The following AGO1 variants were observed in gnomAD, a reference collection of about 807,000 sequenced individuals.
AGO1 encodes protein argonaute-1.
A neutral mutation model predicts 109.2 loss-of-function variants in AGO1; 11 were observed. The observed-to-expected ratio is 0.10, with a 90% CI of 0.06 to 0.17. AGO1 has a LOEUF of 0.17. Ranked by LOEUF, AGO1 falls within the 10% of genes least tolerant of loss-of-function variation. The pLI is 1.00. For synonymous variants in AGO1, 422 were observed against 418.6 expected, an observed-to-expected ratio of 1.01 and a Z score of -0.10; for missense variants, 574 against 1,140.3, an observed-to-expected ratio of 0.50 and a Z score of 7.15.
At position 35,884,256 on chromosome 1, in the gene AGO1, G is replaced by A. The variant is rs1799678; in HGVS notation, c.25+810G>A. ...GTTTGCTAAGAATGGGTTGAGGGAA[G>A]CTGCCAAAGTGCATTTTTCTGCCAC... is the stretch of plus-strand genomic sequence containing the variant. On this transcript the variant is annotated intron_variant, in intron 1 of 18. Coordinates refer to ENST00000373204, the MANE Select transcript of AGO1 (RefSeq NM_012199.5). Among the ~76,000 whole-genome samples, 208 of 152,344 alleles carry A rather than the reference G, an allele frequency of 1.4e-3. 2 individuals carry two copies. The highest frequency in any genetic ancestry group is 4.5e-3 in the African/African-American group (189 of 41,578).
intron 11 of AGO1, among the ~76,000 whole-genome samples, chr1:35,902,999 CTTTTTTTTT>C (rs899277604): frequency 9.2e-6 from 1 of 108,806 alleles, no homozygotes; most frequent in African/African-American, 3.4e-5. Context: ...CACCTGGAGT[CTTTTTTTTT>C]TTTTTTTTTT....
At chr1:35,917,770 C>T (rs1645761294) in intron 16 of AGO1, 43 bp downstream of exon 16, 1 of 1,595,238 alleles carries the variant, frequency 6.3e-7, no homozygotes, top group African/African-American at 1.3e-5. Flanking sequence ...CTTCTGTCTC[C>T]CTTATCTTAA....
rs1645149904 is a variant in AGO1, at chr1:35,888,112, A to C, written c.26-315A>C. Among the ~76,000 whole-genome samples, 1 of 152,246 alleles carries C rather than the reference A, an allele frequency of 6.6e-6. No homozygotes were observed. On this transcript the variant is annotated intron_variant, in intron 1 of 18. Transcript: ENST00000373204. This position sits in a 1 kb window ranked among gnomAD's most constrained non-coding sequence, Gnocchi z 4.1. ...TGTCTTACTCTACTAGAAGAAAGAAAGGGTTTTGTTACTAGGAGCCAGATT... is the reference window on the plus strand; with the variant it reads ...TGTCTTACTCTACTAGAAGAAAGAACGGGTTTTGTTACTAGGAGCCAGATT...
intron 1 of AGO1, among the ~76,000 whole-genome samples, chr1:35,877,513 C>T (rs569098414): frequency 1.3e-5 from 2 of 152,208 alleles, no homozygotes; most frequent in Admixed American, 6.5e-5. Context: ...TCTTAGTTCC[C>T]ATGTCGCCCA....
rs759347470 is a variant in AGO1 at position 35,919,757 on chromosome 1, G to A, written c.*150G>A. 1.3e-4 allele frequency: 88 copies of A among 674,690 alleles called. No individual in the cohort carries two copies. The highest frequency in any genetic ancestry group is 1.9e-4 in the Non-Finnish European group (79 of 406,052). The allele number at this position is 674,690 out of a possible 1,614,324, so 41.8% of individuals were successfully genotyped here. A position where few individuals can be genotyped will look rare whatever the true frequency, so the allele number is the denominator to read the frequency against. Reference sequence around the variant, plus strand: ...TTCCTTCTATAGAGGTGGTGTAAGAGTGGGGAACAGGGCCAGCAAGACAGA... The same window carrying A: ...TTCCTTCTATAGAGGTGGTGTAAGAATGGGGAACAGGGCCAGCAAGACAGA... On this transcript the variant is annotated 3_prime_UTR_variant, in exon 19 of 19. Transcript: ENST00000373204. This position sits in a 1 kb window ranked among gnomAD's most constrained non-coding sequence, Gnocchi z 6.6.
chr1:35,892,105 T>C (rs530296055), intron 2 of AGO1, among the ~76,000 whole-genome samples: 13 of 152,222 alleles, frequency 8.5e-5, no homozygotes, highest in African/African-American at 2.4e-4. Context: ...AGTCTAGCCT[T>C]GAGCTCCTAG....
At position 35,919,524 on chromosome 1, in the gene AGO1, C is replaced by A; in HGVS notation, c.2491C>A (p.Gln831Lys). ...TGGAGAGGGGAGCCACATATCGGGGCAGAGCAATGGGCGGGACCCCCAGGC... is the reference window on the plus strand; with the variant it reads ...TGGAGAGGGGAGCCACATATCGGGGAAGAGCAATGGGCGGGACCCCCAGGC... ...DSGEGSHISG[Q>K]SNGRDPQALA... Residue 831 changes from glutamine to lysine, a missense_variant, in exon 19 of 19, where the codon CAG (glutamine) becomes AAG (lysine). Physicochemically the swap from Gln to Lys is moderately conservative, Grantham distance 53. Coordinates refer to ENST00000373204, the MANE Select transcript of AGO1 (RefSeq NM_012199.5). The surrounding 1 kb of genome is among the most constrained non-coding windows in gnomAD (Gnocchi z 6.6). The A allele has an allele frequency of 6.2e-7, 1 of 1,614,048 alleles. No homozygotes were observed. The highest frequency in any genetic ancestry group is 1.1e-5 in the South Asian group (1 of 91,038).
chr1:35,883,274 C>A lies in AGO1; in HGVS notation c.-148C>A. On this transcript the variant is annotated 5_prime_UTR_variant, in exon 1 of 19. It adds an upstream start codon to the 5' untranslated region. Transcript: ENST00000373204. This position sits in a 1 kb window ranked among gnomAD's most constrained non-coding sequence, Gnocchi z 5.4. ...GGCTCCGCGGCGGCGGCAACGGAGG[C>A]TGCGGGGGCGGCGGCGCGAGCGGCC... 7.2e-7 allele frequency: 1 copy of A among 1,395,718 alleles called. No homozygotes were observed. The highest frequency in any genetic ancestry group is 9.3e-7 in the Non-Finnish European group (1 of 1,074,862). 86.5% of individuals were successfully genotyped at this position (1,395,718 alleles called of 1,614,324 possible). A position where few individuals can be genotyped will look rare whatever the true frequency, so the allele number is the denominator to read the frequency against.
In AGO1 at chr1:35,920,298, C is replaced by T. The variant is rs570108958; in HGVS notation, c.*691C>T. The stretch of plus-strand genomic sequence containing the variant: ...TCTCCTCCCTGACAGACATCCAGCC[C>T]CTAGTAATACTTAAGGCACTATGGC... On this transcript the variant is annotated 3_prime_UTR_variant, in exon 19 of 19. Coordinates refer to ENST00000373204, the MANE Select transcript of AGO1 (RefSeq NM_012199.5). 2.0e-5 allele frequency: 3 copies of T among 152,712 alleles called. No individual in the cohort carries two copies. Among genetic ancestry groups the T allele is most frequent in the African/African-American group, 7.2e-5 (3 of 41,514 alleles). The allele number at this position is 152,712 out of a possible 1,614,324, so 9.5% of individuals were successfully genotyped here. A position where few individuals can be genotyped will look rare whatever the true frequency, so the allele number is the denominator to read the frequency against.
chr1:35,878,381 G>A (rs999212675), upstream of AGO1, among the ~76,000 whole-genome samples: 6 of 151,968 alleles, frequency 3.9e-5, no homozygotes, highest in Non-Finnish European at 5.9e-5. Context: ...CACCACGCCC[G>A]GCTCCTTTTT....
At position 35,915,293 on chromosome 1, in the gene AGO1, G is replaced by C. The variant is rs368725820; in HGVS notation, c.1834-55G>C. Reference sequence around the variant, plus strand: ...TAAGAAGCCTTTCCACAAACCCATAGCCTGACAGTGAAGGTGAAGGTTCTA... The same window carrying C: ...TAAGAAGCCTTTCCACAAACCCATACCCTGACAGTGAAGGTGAAGGTTCTA... On this transcript the variant is annotated intron_variant, in intron 14 of 18. Transcript: ENST00000373204. The C allele has an allele frequency of 4.0e-5, 61 of 1,536,744 alleles. No individual in the cohort carries two copies. The East Asian group carries it at 4.3e-4, about 11-fold the overall frequency.
chr1:35,918,239 G>T lies in AGO1; in HGVS notation c.2164-83G>T. ...CTTTGGCTTTGTTCTTGGGATTTTG[G>T]TGAAATCAGAGTAGAATTGAGCCAG... On this transcript the variant is annotated intron_variant, in intron 16 of 18. Transcript: ENST00000373204. 1.5e-5 allele frequency: 17 copies of T among 1,109,172 alleles called. No individual in the cohort carries two copies. The South Asian group carries it at 2.1e-4, about 14-fold the overall frequency. 68.7% of individuals were successfully genotyped at this position (1,109,172 alleles called of 1,614,324 possible). A position where few individuals can be genotyped will look rare whatever the true frequency, so the allele number is the denominator to read the frequency against.
intron 8 of AGO1, among the ~76,000 whole-genome samples, chr1:35,897,543 G>T (rs1381300052): frequency 1.3e-5 from 2 of 152,056 alleles, no homozygotes; most frequent in Admixed American, 6.5e-5. Context: ...CTTTATCCAG[G>T]TTGGCTGTGT....
rs904621610 is a variant in AGO1 at position 35,924,070 on chromosome 1, T to C, written c.*4463T>C. ...CTTTTTATCCCTCTCAAGTCCAGCA[T>C]GGATGGGGAAATGTCTCTGGATCCC... On this transcript the variant is annotated 3_prime_UTR_variant, in exon 19 of 19. Coordinates refer to ENST00000373204, the MANE Select transcript of AGO1 (RefSeq NM_012199.5). 6.5e-6 allele frequency: 1 copy of C among 152,682 alleles called. No individual in the cohort carries two copies. Among genetic ancestry groups the C allele is most frequent in the Non-Finnish European group, 1.5e-5 (1 of 68,060 alleles). The allele number at this position is 152,682 out of a possible 1,614,324, so 9.5% of individuals were successfully genotyped here.
intron 8 of AGO1, among the ~76,000 whole-genome samples, chr1:35,899,108 C>T (rs534950567): frequency 6.6e-6 from 1 of 152,262 alleles, no homozygotes; most frequent in African/African-American, 2.4e-5. Flanking sequence ...TGAATTTGAC[C>T]ACTGTAAGTA....
rs1645936800 is a variant in AGO1 at position 35,926,809 on chromosome 1, A to C, written c.*7202A>C. ...TGCATTTAGTTTTCCACTTACGCAC[A>C]ACTGCCTTCTCCAGTATATCATACC... On this transcript the variant is annotated 3_prime_UTR_variant, in exon 19 of 19. Coordinates refer to ENST00000373204, the MANE Select transcript of AGO1 (RefSeq NM_012199.5). 6.6e-6 allele frequency: 1 copy of C among 152,198 alleles called. No homozygotes were observed. Among genetic ancestry groups the C allele is most frequent in the Non-Finnish European group, 1.5e-5 (1 of 68,042 alleles). The allele number at this position is 152,198 out of a possible 1,614,324, so 9.4% of individuals were successfully genotyped here.
chr1:35,884,205 G>A (rs1019121491), intron 1 of AGO1, among the ~76,000 whole-genome samples: 1 of 152,058 alleles, frequency 6.6e-6, no homozygotes, highest in African/African-American at 2.4e-5. Flanking sequence ...CATTTTAGGG[G>A]CTCTTACACT....
chr1:35,903,658 G>A (rs1645462983), intron 11 of AGO1, among the ~76,000 whole-genome samples: 1 of 150,584 alleles, frequency 6.6e-6, no homozygotes, highest in Non-Finnish European at 1.5e-5. Context: ...GAGTTTTCTG[G>A]GCAATATAGA....
chr1:35,883,554 C>A lies in AGO1; in HGVS notation c.25+108C>A. ...AAGCGCTCCTGAGTGAGGAGAAGGGCTCTCCCACGATGGGGGCCCAGTTTG... is the reference window on the plus strand; with the variant it reads ...AAGCGCTCCTGAGTGAGGAGAAGGGATCTCCCACGATGGGGGCCCAGTTTG... On this transcript the variant is annotated intron_variant, in intron 1 of 18. Transcript: ENST00000373204. The surrounding 1 kb of genome is among the most constrained non-coding windows in gnomAD (Gnocchi z 5.4). The A allele has an allele frequency of 1.4e-6, 2 of 1,400,856 alleles. No individual in the cohort carries two copies. The highest frequency in any genetic ancestry group is 1.9e-6 in the Non-Finnish European group (2 of 1,072,250). The allele number at this position is 1,400,856 out of a possible 1,614,324, so 86.8% of individuals were successfully genotyped here.
Sources: gnomAD v4.1 joint callset for allele counts (sites outside exome capture counted in the v4.1 genomes callset) on GRCh38, gnomAD v4.1.1 for gene constraint, Gnocchi (gnomAD v3.1) non-coding constraint, MANE v1.5 for transcripts, NCBI Gene and HGNC (gene_info 2026-07-23, HGNC 2026-07-21) for gene names.